DEFB131A: variants seen among roughly 807,000 people sequenced by gnomAD.
DEFB131A encodes beta-defensin 131A.
Under a neutral mutation model 2.4 loss-of-function variants are expected in DEFB131A, and 5 were observed. The ratio of observed to expected loss-of-function variants is 2.12; its 90% CI spans 1.11 to 4.47. The LOEUF (loss-of-function observed/expected upper bound fraction) is 4.47. Ranked by LOEUF, DEFB131A falls within the 30% of genes most tolerant of loss-of-function variation. The pLI is 0.00. For missense variants in DEFB131A, 120 were observed against 79.9 expected (o/e 1.50, Z -1.91); for synonymous variants, 34 against 25.7 (o/e 1.32, Z -0.97).
At chr4:9,448,223 G>A (rs1717554843) in intron 1 of DEFB131A, among the ~76,000 whole-genome samples, 1 of 150,256 alleles carries the variant, frequency 6.7e-6, no homozygotes, top group African/African-American at 2.4e-5. Flanking sequence ...TTTATCTATG[G>A]ACAACCAAGG....
rs1717483332 is a variant in DEFB131A, at chr4:9,445,977, T to G, written c.58+1386T>G. On this transcript the variant is annotated intron_variant, in intron 1 of 1. Transcript: ENST00000334879. ...GCATAATGTTTTCAAGATTCATCCA[T>G]GTTGTGGCATAGATTCGTACTTCAT... 2.6e-5 allele frequency among the ~76,000 whole-genome samples: 4 copies of G among 152,130 alleles called. No individual in the cohort carries two copies. In the South Asian group the frequency reaches 8.3e-4, roughly 32 times the overall value.
At chr4:9,444,798 G>A (rs912878532) in intron 1 of DEFB131A, among the ~76,000 whole-genome samples, 4 of 151,960 alleles carry the variant, frequency 2.6e-5, no homozygotes, top group African/African-American at 7.3e-5. Flanking sequence ...ACTTGAGGCC[G>A]GGCACAGTGG....
At chr4:9,450,178 T>A (rs997102959) in intron 1 of DEFB131A, among the ~76,000 whole-genome samples, 182 bp from the exon 2 acceptor site, 3 of 152,218 alleles carry the variant, frequency 2.0e-5, no homozygotes. Context: ...ACTCTCTTTA[T>A]AGAAGAAATC....
At chr4:9,450,288 A>G (rs1479585023) in intron 1 of DEFB131A, 72 bp from the exon 2 acceptor site, 6 of 1,340,024 alleles carry the variant, frequency 4.5e-6, no homozygotes, top group African/African-American at 1.5e-5. Context: ...AATTTATTAT[A>G]AAACATTTCA....
intron 1 of DEFB131A, 108 bp downstream of exon 1, chr4:9,444,699 A>G: frequency 9.0e-7 from 1 of 1,109,384 alleles, no homozygotes; most frequent in African/African-American, 1.5e-5. Flanking sequence ...ATTTTACTGT[A>G]CCATGAAGGC....
rs1577079253 is a variant in DEFB131A at position 9,445,533 on chromosome 4, A to T, written c.58+942A>T. ...GCGGTTCATACCTGAGATTTAGATT[A>T]CTGGTTGACTTATTGATCATTTCTG... On this transcript the variant is annotated intron_variant, in intron 1 of 1. Coordinates refer to ENST00000334879, the MANE Select transcript of DEFB131A (RefSeq NM_001040448.3). Among the ~76,000 whole-genome samples, 4 of 151,820 alleles carry T rather than the reference A, an allele frequency of 2.6e-5. No individual in the cohort carries two copies. In the East Asian group the frequency reaches 7.7e-4, roughly 29 times the overall value.
chr4:9,448,339 T>A lies in DEFB131A; in HGVS notation c.59-2021T>A, dbSNP rs189261932. 2.2e-4 allele frequency among the ~76,000 whole-genome samples: 33 copies of A among 152,214 alleles called. No homozygotes were observed. The East Asian group carries it at 2.5e-3, about 12-fold the overall frequency. On this transcript the variant is annotated intron_variant, in intron 1 of 1. Coordinates refer to ENST00000334879, the MANE Select transcript of DEFB131A (RefSeq NM_001040448.3). ...AAAAAAAAGAACACTATCTTAAAAC[T>A]CTCTACTTAGTAAAATTATCTCTTT... is the stretch of plus-strand genomic sequence containing the variant.
At position 9,447,298 on chromosome 4, in the gene DEFB131A, A is replaced by T. The variant is rs1199015235; in HGVS notation, c.58+2707A>T. ...TGGTACATATATATACATATTTGGA[A>T]TTTTTATATCCTCTTGCTGAATTGG... On this transcript the variant is annotated intron_variant, in intron 1 of 1. Coordinates refer to ENST00000334879, the MANE Select transcript of DEFB131A (RefSeq NM_001040448.3). Among the ~76,000 whole-genome samples, 3 of 152,124 alleles carry T rather than the reference A, an allele frequency of 2.0e-5. No homozygotes were observed. The East Asian group carries it at 5.8e-4, about 29-fold the overall frequency.
At chr4:9,449,164 C>G (rs567782694) in intron 1 of DEFB131A, among the ~76,000 whole-genome samples, 1 of 150,484 alleles carries the variant, frequency 6.6e-6, no homozygotes, top group Non-Finnish European at 1.5e-5. Flanking sequence ...AAATTGCAGA[C>G]ATTCATGAAA....
chr4:9,447,870 T>G (rs9999706), intron 1 of DEFB131A, among the ~76,000 whole-genome samples: 2,972 of 152,088 alleles, frequency 0.02, 89 homozygotes, highest in African/African-American at 0.068. Flanking sequence ...ATCAGTGAGC[T>G]TAAAGAAGTT....
rs965891265 is a variant in DEFB131A, at chr4:9,450,594, T to C, written c.*80T>C. 6.7e-7 allele frequency: 1 copy of C among 1,498,528 alleles called. No individual in the cohort carries two copies. Among genetic ancestry groups the C allele is most frequent in the South Asian group, 1.3e-5 (1 of 78,230 alleles). The allele number at this position is 1,498,528 out of a possible 1,614,324, so 92.8% of individuals were successfully genotyped here. On this transcript the variant is annotated 3_prime_UTR_variant, in exon 2 of 2. Transcript: ENST00000334879. Reference sequence around the variant, plus strand: ...TCTTATCTATGAATAATTAACATGATAGATGAAAATTATTATAATTGCATG... The same window carrying C: ...TCTTATCTATGAATAATTAACATGACAGATGAAAATTATTATAATTGCATG...
chr4:9,447,585 T>C (rs1254981298), intron 1 of DEFB131A, among the ~76,000 whole-genome samples: 3 of 152,144 alleles, frequency 2.0e-5, no homozygotes, highest in Non-Finnish European at 4.4e-5. Flanking sequence ...GCTTGCCTTC[T>C]TGCCATGTCC....
In DEFB131A at chr4:9,450,588, A is replaced by G. The variant is rs1717637646; in HGVS notation, c.*74A>G. 21 of 1,513,150 alleles carry G rather than the reference A, an allele frequency of 1.4e-5. No individual in the cohort carries two copies. The highest frequency in any genetic ancestry group is 1.8e-5 in the Non-Finnish European group (20 of 1,119,918). The allele number at this position is 1,513,150 out of a possible 1,614,324, so 93.7% of individuals were successfully genotyped here. The stretch of plus-strand genomic sequence containing the variant: ...AAACTCTCTTATCTATGAATAATTA[A>G]CATGATAGATGAAAATTATTATAAT... On this transcript the variant is annotated 3_prime_UTR_variant, in exon 2 of 2. Transcript: ENST00000334879.
rs1217382134 is a variant in DEFB131A at position 9,444,523 on chromosome 4, C to T, written c.-11C>T. The T allele has an allele frequency of 1.2e-6, 2 of 1,611,532 alleles. No individual in the cohort carries two copies. Among genetic ancestry groups the T allele is most frequent in the Non-Finnish European group, 1.7e-6 (2 of 1,179,564 alleles). ...TACTGATTCTCTCTAACCTGCTTTA[C>T]CTATTCAACCATGAGGGTCTTGTTT... On this transcript the variant is annotated 5_prime_UTR_variant, in exon 1 of 2. Coordinates refer to ENST00000334879, the MANE Select transcript of DEFB131A (RefSeq NM_001040448.3).
intron 1 of DEFB131A, among the ~76,000 whole-genome samples, chr4:9,446,064 G>A (rs1300949792): frequency 6.6e-6 from 1 of 151,944 alleles, no homozygotes; most frequent in East Asian, 1.9e-4. Flanking sequence ...TCACTAAATG[G>A]AACACTCTAA....
At chr4:9,447,653 G>A (rs1465053159) in intron 1 of DEFB131A, among the ~76,000 whole-genome samples, 1 of 150,788 alleles carries the variant, frequency 6.6e-6, no homozygotes, top group Non-Finnish European at 1.5e-5. Flanking sequence ...CTTCTAACAA[G>A]GACATCAGCC....
intron 1 of DEFB131A, among the ~76,000 whole-genome samples, chr4:9,445,683 T>G (rs1047603875): frequency 2.0e-5 from 3 of 152,090 alleles, no homozygotes; most frequent in Non-Finnish European, 4.4e-5. Flanking sequence ...TAGTGGGTTT[T>G]TTATATTTTT....
chr4:9,446,410 A>G (rs1717506391), intron 1 of DEFB131A, among the ~76,000 whole-genome samples: 1 of 152,072 alleles, frequency 6.6e-6, no homozygotes, highest in Non-Finnish European at 1.5e-5. Flanking sequence ...CTAATGATCC[A>G]TTGTATTTCT....
In DEFB131A at chr4:9,446,147, A is replaced by G. The variant is rs191975624; in HGVS notation, c.58+1556A>G. ...CCAACATTCATGGAGGAAAAGTATA[A>G]TTCTGTATAATTATATAAATGATAG... is the stretch of plus-strand genomic sequence containing the variant. On this transcript the variant is annotated intron_variant, in intron 1 of 1. Coordinates refer to ENST00000334879, the MANE Select transcript of DEFB131A (RefSeq NM_001040448.3). 1.8e-3 allele frequency among the ~76,000 whole-genome samples: 281 copies of G among 152,256 alleles called. No individual in the cohort carries two copies. In the East Asian group the frequency reaches 0.029, roughly 15 times the overall value.
Sources: gnomAD v4.1 joint callset for allele counts (sites outside exome capture counted in the v4.1 genomes callset) on GRCh38, gnomAD v4.1.1 for gene constraint, MANE v1.5 for transcripts, NCBI Gene and HGNC (gene_info 2026-07-23, HGNC 2026-07-21) for gene names.